Variants in SLIT3 observed in about 807,000 individuals in gnomAD.
SLIT3 encodes slit guidance ligand 3.
In SLIT3, 68 loss-of-function variants were observed where a neutral mutation model predicts 184.0. That is an observed-to-expected ratio of 0.37 (90% confidence interval 0.30 to 0.45). The LOEUF (loss-of-function observed/expected upper bound fraction) is 0.45, where lower values mean the gene tolerates loss of function less well. Ranked by LOEUF, SLIT3 falls within the 20% of genes least tolerant of loss-of-function variation. The probability of loss-of-function intolerance (pLI) is 1.00; values close to 1 mark genes in which losing one functional copy is unlikely to be tolerated. For synonymous variants in SLIT3, 831 were observed against 828.6 expected (o/e 1.00, Z -0.05); for missense variants, 1,707 against 2,026.0 (o/e 0.84, Z 3.02).
At chr5:168,814,290 G>A (rs549400256) in intron 8 of SLIT3, among the ~76,000 whole-genome samples, 7 of 152,128 alleles carry the variant, frequency 4.6e-5, no homozygotes, top group Non-Finnish European at 7.4e-5. Flanking sequence ...CAGCTACTCA[G>A]GAGGCTGAGG....
At chr5:169,078,330 C>T (rs1039473651) in intron 4 of SLIT3, among the ~76,000 whole-genome samples, 11 of 152,252 alleles carry the variant, frequency 7.2e-5, no homozygotes, top group Admixed American at 2.0e-4. Flanking sequence ...GGTTTCATGT[C>T]GTTTTGTACC....
intron 4 of SLIT3, among the ~76,000 whole-genome samples, chr5:169,063,679 C>G (rs994745971): frequency 1.8e-4 from 27 of 152,276 alleles, no homozygotes; most frequent in African/African-American, 6.0e-4. Flanking sequence ...AAATCAGGAC[C>G]CTGGCAGTAT....
intron 4 of SLIT3, among the ~76,000 whole-genome samples, chr5:168,884,690 C>T (rs1006948451): frequency 1.3e-5 from 2 of 150,830 alleles, no homozygotes; most frequent in African/African-American, 4.9e-5. Flanking sequence ...TTGATATCAA[C>T]ATTTTTAATG....
chr5:169,134,758 T>C (rs1561687742), intron 4 of SLIT3, among the ~76,000 whole-genome samples: 1 of 152,192 alleles, frequency 6.6e-6, no homozygotes, highest in African/African-American at 2.4e-5. Context: ...ATACTAATAA[T>C]AAAAAAAGTA....
chr5:169,062,927 G>A (rs141863828), intron 4 of SLIT3, among the ~76,000 whole-genome samples: 144 of 152,332 alleles, frequency 9.5e-4, no homozygotes, highest in Middle Eastern at 6.8e-3. Context: ...CCAGCAAGAG[G>A]CTGTGTGTGC....
rs374332528 is a variant in SLIT3, at chr5:168,696,441, G to A, written c.2943-10C>T. ...CAGAGGGCAGGAGCAGCTTTGGGATGTGAGGGGTGGAGAGCAGGGGAGTCA... is the reference window on the plus strand; with the variant it reads ...CAGAGGGCAGGAGCAGCTTTGGGATATGAGGGGTGGAGAGCAGGGGAGTCA... On this transcript the variant is annotated splice_polypyrimidine_tract_variant and intron_variant, in intron 27 of 35. Coordinates refer to ENST00000519560, the MANE Select transcript of SLIT3 (RefSeq NM_003062.4). The A allele has an allele frequency of 8.3e-5, 134 of 1,613,890 alleles. No individual in the cohort carries two copies. The highest frequency in any genetic ancestry group is 1.0e-4 in the Non-Finnish European group (123 of 1,180,014).
chr5:168,925,547 T>G (rs1761788051), intron 4 of SLIT3, among the ~76,000 whole-genome samples: 1 of 152,074 alleles, frequency 6.6e-6, no homozygotes, highest in Admixed American at 6.5e-5. Flanking sequence ...CAGCCCTGGA[T>G]GCAGAGGAGT....
At chr5:169,084,663 A>G (rs1453990551) in intron 4 of SLIT3, among the ~76,000 whole-genome samples, 1 of 152,166 alleles carries the variant, frequency 6.6e-6, no homozygotes, top group Non-Finnish European at 1.5e-5. Flanking sequence ...CTTTTGAAAA[A>G]CAAAACCAAA....
chr5:168,728,138 C>T (rs527993801), intron 20 of SLIT3, among the ~76,000 whole-genome samples: 2 of 152,140 alleles, frequency 1.3e-5, no homozygotes, highest in Admixed American at 6.5e-5. Context: ...TTCACCACCA[C>T]CTCAACTAAT....
At chr5:168,863,343 A>G (rs1192830127) in intron 5 of SLIT3, among the ~76,000 whole-genome samples, 1 of 152,206 alleles carries the variant, frequency 6.6e-6, no homozygotes, top group Non-Finnish European at 1.5e-5. Context: ...TCTAATTGAC[A>G]TTTTACTTGG....
At chr5:169,182,498 GAT>G (rs1763195711) in intron 4 of SLIT3, among the ~76,000 whole-genome samples, 1 of 152,208 alleles carries the variant, frequency 6.6e-6, no homozygotes, top group Non-Finnish European at 1.5e-5. Context: ...CAAAGTTACA[GAT>G]GTTTTTGGTG....
At chr5:168,883,197 C>T in intron 5 of SLIT3, 68 bp downstream of exon 5, 1 of 1,278,906 alleles carries the variant, frequency 7.8e-7, no homozygotes, top group Non-Finnish European at 1.1e-6. Flanking sequence ...TCCCATCCCT[C>T]ACCCTCACTC....
intron 7 of SLIT3, among the ~76,000 whole-genome samples, chr5:168,819,768 CCTGG>C (rs1435334466): frequency 6.6e-6 from 1 of 152,182 alleles, no homozygotes; most frequent in Non-Finnish European, 1.5e-5. Flanking sequence ...CTGTCTCAAT[CCTGG>C]CTGGCTGGCC....
At chr5:169,051,360 T>C (rs2113061112) in intron 4 of SLIT3, among the ~76,000 whole-genome samples, 1 of 152,176 alleles carries the variant, frequency 6.6e-6, no homozygotes, top group South Asian at 2.1e-4. Flanking sequence ...GGGTGCTGAA[T>C]CTTGATTCTC....
chr5:168,698,231 A>G (rs546496717), intron 27 of SLIT3, among the ~76,000 whole-genome samples: 186 of 152,346 alleles, frequency 1.2e-3, no homozygotes, highest in South Asian at 2.1e-3. Flanking sequence ...TCCCCCCAAA[A>G]AAGATATGTT....
chr5:169,081,375 G>C (rs559394133), intron 4 of SLIT3, among the ~76,000 whole-genome samples: 36 of 152,296 alleles, frequency 2.4e-4, no homozygotes, highest in African/African-American at 8.7e-4. Context: ...TGGAACCAGA[G>C]AGACCCACAG....
intron 4 of SLIT3, among the ~76,000 whole-genome samples, chr5:169,054,739 T>C (rs1470299761): frequency 6.6e-6 from 1 of 152,256 alleles, no homozygotes; most frequent in Non-Finnish European, 1.5e-5. Flanking sequence ...CCAGCCTCTC[T>C]TGGGCTCTGA....
chr5:168,738,766 G>A (rs985791295), intron 20 of SLIT3, among the ~76,000 whole-genome samples: 6 of 152,072 alleles, frequency 3.9e-5, no homozygotes, highest in East Asian at 1.9e-4. Context: ...GTGAAACCCC[G>A]TCTCTACTAA....
chr5:168,850,785 G>A lies in SLIT3; in HGVS notation c.486-6130C>T, dbSNP rs1278796491. Among the ~76,000 whole-genome samples the A allele has an allele frequency of 2.6e-5, 4 of 152,182 alleles. No homozygotes were observed. The East Asian group carries it at 7.7e-4, about 29-fold the overall frequency. ...TTCAACATATGCAACTTCTCAGCAG[G>A]AGAATAACTGCATCCACTCCAGTAG... On this transcript the variant is annotated intron_variant, in intron 5 of 35. Transcript: ENST00000519560.
Sources: gnomAD v4.1 joint callset for allele counts (sites outside exome capture counted in the v4.1 genomes callset) on GRCh38, gnomAD v4.1.1 for gene constraint, MANE v1.5 for transcripts, NCBI Gene and HGNC (gene_info 2026-07-23, HGNC 2026-07-21) for gene names.